The following MINAR2 variants were observed in gnomAD, a reference collection of about 807,000 sequenced individuals.
MINAR2 encodes the protein major intrinsically disordered NOTCH2-binding receptor 1-like.
A neutral mutation model predicts 16.1 loss-of-function variants in MINAR2; 21 were observed. The ratio of observed to expected loss-of-function variants is 1.31; its 90% CI spans 0.93 to 1.88. The LOEUF (loss-of-function observed/expected upper bound fraction) is 1.88. MINAR2 is among the 40% of genes most tolerant of loss of function. The pLI is 0.00. For missense variants in MINAR2, 259 were observed against 229.8 expected, an observed-to-expected ratio of 1.13 and a Z score of -0.82; for synonymous variants, 86 against 83.0, an observed-to-expected ratio of 1.04 and a Z score of -0.20.
At chr5:129,755,326 GA>G (rs1231982811) in intron 1 of MINAR2, among the ~76,000 whole-genome samples, 1 of 151,976 alleles carries the variant, frequency 6.6e-6, no homozygotes, top group Non-Finnish European at 1.5e-5. Flanking sequence ...GCCCTCATCT[GA>G]AGTTTATACT....
intron 1 of MINAR2, among the ~76,000 whole-genome samples, chr5:129,751,927 A>G (rs1278388715): frequency 6.6e-6 from 1 of 152,212 alleles, no homozygotes; most frequent in Non-Finnish European, 1.5e-5. Flanking sequence ...ATGAACAGAC[A>G]CTTCTCAAAA....
At chr5:129,751,268 G>A (rs1757981429) in intron 1 of MINAR2, among the ~76,000 whole-genome samples, 1 of 151,910 alleles carries the variant, frequency 6.6e-6, no homozygotes, top group Non-Finnish European at 1.5e-5. Context: ...GAGTGCAGTG[G>A]CACAATCTCG....
intron 1 of MINAR2, among the ~76,000 whole-genome samples, chr5:129,753,713 A>G (rs770540996): frequency 3.3e-5 from 5 of 151,714 alleles, no homozygotes; most frequent in African/African-American, 7.3e-5. Flanking sequence ...AGATCGCGCC[A>G]TTGTTCTCTA....
chr5:129,752,430 G>C (rs182120024), intron 1 of MINAR2, among the ~76,000 whole-genome samples: 4 of 149,790 alleles, frequency 2.7e-5, no homozygotes, highest in African/African-American at 1.0e-4. Flanking sequence ...CAGGGACATG[G>C]ATGAAGCTGG....
At position 129,759,064 on chromosome 5, in the gene MINAR2, T is replaced by G. The variant is rs528821122; in HGVS notation, c.166-1314T>G. 3.3e-5 allele frequency among the ~76,000 whole-genome samples: 5 copies of G among 152,108 alleles called. No homozygotes were observed. The South Asian group carries it at 1.0e-3, about 32-fold the overall frequency. ...AATGGTTTTATCTAGATGATTTTTT[T>G]TCCTGCTAGCCATTTCAGAAGGAAA... On this transcript the variant is annotated intron_variant, in intron 1 of 2. Transcript: ENST00000564719.
intron 1 of MINAR2, among the ~76,000 whole-genome samples, chr5:129,755,845 T>C (rs1160232653): frequency 2.0e-5 from 3 of 152,100 alleles, no homozygotes; most frequent in African/African-American, 4.8e-5. Flanking sequence ...GATTTTATTT[T>C]GACTGTTTTA....
At chr5:129,748,728 A>T (rs1422070162) in intron 1 of MINAR2, among the ~76,000 whole-genome samples, 1 of 152,140 alleles carries the variant, frequency 6.6e-6, no homozygotes, top group Non-Finnish European at 1.5e-5. Flanking sequence ...AGCATAAAGC[A>T]TCAGAAGTTT....
chr5:129,756,958 A>C (rs866655057), intron 1 of MINAR2, among the ~76,000 whole-genome samples: 319 of 118,030 alleles, frequency 2.7e-3, no homozygotes, highest in African/African-American at 9.2e-3. Flanking sequence ...AAAAAAAAAA[A>C]CACACACACA....
intron 1 of MINAR2, among the ~76,000 whole-genome samples, chr5:129,752,818 C>A (rs1449760632): frequency 6.7e-6 from 1 of 149,386 alleles, no homozygotes; most frequent in Non-Finnish European, 1.5e-5. Context: ...CCTTAATTTT[C>A]TAATTAGCAG....
chr5:129,750,762 A>G (rs1344066520), intron 1 of MINAR2, among the ~76,000 whole-genome samples: 1 of 152,182 alleles, frequency 6.6e-6, no homozygotes, highest in African/African-American at 2.4e-5. Flanking sequence ...CCATTATTTT[A>G]TAAATATTGT....
chr5:129,758,276 A>G (rs1471038711), intron 1 of MINAR2, among the ~76,000 whole-genome samples: 1 of 151,892 alleles, frequency 6.6e-6, no homozygotes, highest in East Asian at 1.9e-4. Context: ...TTTGTTGTTG[A>G]TGTTCTGAAA....
intron 1 of MINAR2, 149 bp from the exon 2 acceptor site, chr5:129,760,229 C>A: frequency 1.6e-6 from 1 of 636,628 alleles, no homozygotes. Flanking sequence ...CTAGGTCAAA[C>A]GAAACCCTAG....
rs6867290 is a variant in MINAR2 at position 129,762,078 on chromosome 5, C to A, written c.393+1473C>A. ...ACCTAATGCATGCGGGACTTAAAAC[C>A]TAGATGACGGGTTCATAGGTGCAGC... On this transcript the variant is annotated intron_variant, in intron 2 of 2. Coordinates refer to ENST00000564719, the MANE Select transcript of MINAR2 (RefSeq NM_001257308.2). Among the ~76,000 whole-genome samples the A allele has an allele frequency of 5.7e-3, 871 of 152,060 alleles. 10 individuals are homozygous for A. Among genetic ancestry groups the A allele is most frequent in the African/African-American group, 0.019 (803 of 41,462 alleles).
At chr5:129,756,957 A>AACACAC (rs57392261) in intron 1 of MINAR2, among the ~76,000 whole-genome samples, 1 of 132,694 alleles carries the variant, frequency 7.5e-6, no homozygotes, top group South Asian at 2.4e-4. Context: ...AAAAAAAAAA[A>AACACAC]ACACACACAC....
At chr5:129,764,765 A>T in intron 2 of MINAR2, 119 bp from the exon 3 acceptor site, 1 of 492,768 alleles carries the variant, frequency 2.0e-6, no homozygotes, top group Non-Finnish European at 3.2e-6. Flanking sequence ...AGCCTTGCCC[A>T]GGACAGAGTG....
At chr5:129,762,948 T>C (rs1291282735) in intron 2 of MINAR2, among the ~76,000 whole-genome samples, 2 of 152,074 alleles carry the variant, frequency 1.3e-5, no homozygotes, top group Non-Finnish European at 2.9e-5. Context: ...ATATAGGAGA[T>C]ACAGGTTAAG....
At position 129,764,865 on chromosome 5, in the gene MINAR2, C is replaced by G. The variant is rs1264163590; in HGVS notation, c.394-19C>G. ...ACTGATTACTGATTAATCATATTCT[C>G]TATGTAATTTTCTTTTAGGAAAATC... On this transcript the variant is annotated intron_variant, in intron 2 of 2. Coordinates refer to ENST00000564719, the MANE Select transcript of MINAR2 (RefSeq NM_001257308.2). The G allele has an allele frequency of 1.7e-5, 22 of 1,270,272 alleles. No individual in the cohort carries two copies. The highest frequency in any genetic ancestry group is 3.0e-5 in the African/African-American group (2 of 65,838). 78.7% of individuals were successfully genotyped at this position (1,270,272 alleles called of 1,614,324 possible).
chr5:129,753,453 A>C (rs1188300740), intron 1 of MINAR2, among the ~76,000 whole-genome samples: 1 of 132,864 alleles, frequency 7.5e-6, no homozygotes, highest in African/African-American at 3.0e-5. Flanking sequence ...ACTGCATTCT[A>C]GCCCAGGCAA....
intron 1 of MINAR2, among the ~76,000 whole-genome samples, chr5:129,756,800 T>A (rs1204424663): frequency 6.6e-6 from 1 of 151,762 alleles, no homozygotes; most frequent in Non-Finnish European, 1.5e-5. Context: ...TTTATTCATT[T>A]TCTAGAAACA....
Sources: allele counts gnomAD v4.1 joint callset (sites outside exome capture counted in the v4.1 genomes callset), GRCh38; gene constraint gnomAD v4.1.1; transcripts MANE v1.5; gene names NCBI Gene and HGNC (gene_info 2026-07-23, HGNC 2026-07-21).